Variants in IGF2BP3 observed in about 807,000 individuals in gnomAD.
IGF2BP3 encodes the protein insulin-like growth factor 2 mRNA-binding protein 3.
IGF2BP3 carries 9 observed loss-of-function variants against 73.8 expected under a neutral mutation model. The observed-to-expected ratio is 0.12, with a 90% confidence interval of 0.07 to 0.21. IGF2BP3 has a LOEUF of 0.21. IGF2BP3 is among the 10% of genes least tolerant of loss of function. IGF2BP3 has a pLI of 1.00. For missense variants in IGF2BP3, 542 were observed against 714.0 expected (o/e 0.76, Z 2.75); for synonymous variants, 258 against 256.7 (o/e 1.01, Z -0.05).
chr7:23,442,924 ACTAG>A (rs1787969794), intron 2 of IGF2BP3, among the ~76,000 whole-genome samples: 1 of 152,118 alleles, frequency 6.6e-6, no homozygotes, highest in Non-Finnish European at 1.5e-5. Context: ...AAACCAGGTA[ACTAG>A]AATTTTATGT....
chr7:23,371,560 C>A (rs1385722448), intron 3 of IGF2BP3, among the ~76,000 whole-genome samples: 2 of 152,206 alleles, frequency 1.3e-5, no homozygotes, highest in East Asian at 1.9e-4. Flanking sequence ...AATGTTAGCA[C>A]CGTAATTACT....
chr7:23,342,282 T>C, intron 9 of IGF2BP3, 93 bp from the exon 10 acceptor site: 4 of 1,355,842 alleles, frequency 3.0e-6, no homozygotes, highest in Admixed American at 3.5e-5. Context: ...TGATCTCTTG[T>C]CTAATAAAGA....
Position 23,361,601 on chromosome 7 carries a change from G to C in IGF2BP3, c.338-4C>G, listed in dbSNP as rs566955644. Reference sequence around the variant, plus strand: ...GCAGTTTCCGAGTCAGTGTTCACTAGAGGAAGAGAAAAACGAAGAGAATAA... The same window carrying C: ...GCAGTTTCCGAGTCAGTGTTCACTACAGGAAGAGAAAAACGAAGAGAATAA... On this transcript the variant is annotated splice_polypyrimidine_tract_variant and splice_region_variant and intron_variant, in intron 4 of 14. Transcript: ENST00000258729. 6 of 1,613,480 alleles carry C rather than the reference G, an allele frequency of 3.7e-6. No homozygotes were observed. In the African/African-American group the frequency reaches 4.0e-5, roughly 11 times the overall value.
Position 23,351,313 on chromosome 7 carries a change from G to T in IGF2BP3, c.675C>A (p.Thr225=). The change falls in exon 6 of 15, where the codon ACC becomes ACA. Residue 225 remains threonine (T), a synonymous_variant. Transcript: ENST00000258729. ...ACACTCAGCATACTCACTTAGACTG[G>T]GTCTGTTTGGTGATGTTCCGAATGG... ...GATIRNITKQ[T]QSKIDVHRKE... The T allele has an allele frequency of 6.2e-7, 1 of 1,613,720 alleles. No homozygotes were observed. Among genetic ancestry groups the T allele is most frequent in the Middle Eastern group, 1.7e-4 (1 of 6,056 alleles).
intron 3 of IGF2BP3, among the ~76,000 whole-genome samples, chr7:23,394,149 G>A (rs889866338): frequency 1.3e-5 from 2 of 152,078 alleles, no homozygotes; most frequent in Non-Finnish European, 2.9e-5. Flanking sequence ...AGACACACCT[G>A]CACAACTTAA....
intron 2 of IGF2BP3, among the ~76,000 whole-genome samples, chr7:23,451,715 G>A (rs1404179539): frequency 1.3e-5 from 2 of 152,028 alleles, no homozygotes; most frequent in Non-Finnish European, 2.9e-5. Context: ...TTGGGAGGCC[G>A]AGGCAAGCAG....
At chr7:23,316,085 A>G (rs1783980536) in intron 12 of IGF2BP3, among the ~76,000 whole-genome samples, 1 of 152,198 alleles carries the variant, frequency 6.6e-6, no homozygotes, top group Admixed American at 6.5e-5. Context: ...TGGGATAGGA[A>G]GCAGTTTTCA....
chr7:23,344,107 T>C (rs974532506), intron 8 of IGF2BP3, among the ~76,000 whole-genome samples: 12 of 152,198 alleles, frequency 7.9e-5, no homozygotes, highest in Non-Finnish European at 1.8e-4. Flanking sequence ...TTCAATCAAG[T>C]CCATATTTTA....
rs1784645419 is a variant in IGF2BP3 at position 23,339,099 on chromosome 7, G to GT, written c.1203+2964dup. ...TTTGCAGCTCTTGCCCTGTGGCAGTGTTTTTACTGTTGGCAGCTTCTGCAA... is the reference window on the plus strand; with the variant it reads ...TTTGCAGCTCTTGCCCTGTGGCAGTGTTTTTTACTGTTGGCAGCTTCTGCAA... On this transcript the variant is annotated intron_variant, in intron 10 of 14. Transcript: ENST00000258729. 2.6e-5 allele frequency among the ~76,000 whole-genome samples: 4 copies of GT among 152,370 alleles called. No homozygotes were observed. In the South Asian group the frequency reaches 8.3e-4, roughly 32 times the overall value.
intron 14 of IGF2BP3, 66 bp from the exon 15 acceptor site, chr7:23,312,526 C>A: frequency 8.8e-7 from 1 of 1,133,848 alleles, no homozygotes; most frequent in Non-Finnish European, 1.3e-6. Context: ...TGTACTCCTT[C>A]ATTTCAACAA....
intron 10 of IGF2BP3, among the ~76,000 whole-genome samples, chr7:23,328,605 A>C (rs1784363932): frequency 6.6e-6 from 1 of 152,230 alleles, no homozygotes; most frequent in Admixed American, 6.5e-5. Context: ...ATAAAATTGA[A>C]ATGGGAAAGG....
intron 10 of IGF2BP3, among the ~76,000 whole-genome samples, chr7:23,321,213 A>G (rs1473773634): frequency 6.6e-6 from 1 of 152,186 alleles, no homozygotes; most frequent in Non-Finnish European, 1.5e-5. Context: ...CAGTGGGTGC[A>G]TGCACCATGG....
intron 5 of IGF2BP3, among the ~76,000 whole-genome samples, chr7:23,356,534 G>A (rs1785100637): frequency 6.6e-6 from 1 of 152,238 alleles, no homozygotes. Context: ...TCCCAAGTCT[G>A]CCTGGGCAAC....
chr7:23,420,078 C>T (rs866830236), intron 2 of IGF2BP3, among the ~76,000 whole-genome samples: 7 of 152,294 alleles, frequency 4.6e-5, no homozygotes, highest in African/African-American at 1.7e-4. Context: ...TGCCAGTCAC[C>T]TCCTTTGAAG....
At chr7:23,407,609 C>CAAA (rs569308741) in intron 3 of IGF2BP3, among the ~76,000 whole-genome samples, 3 of 89,638 alleles carry the variant, frequency 3.3e-5, no homozygotes, top group Non-Finnish European at 4.6e-5. Flanking sequence ...ACTCTGTCTC[C>CAAA]AAAAAAAAAA....
chr7:23,364,150 T>C (rs1015828798), intron 3 of IGF2BP3, among the ~76,000 whole-genome samples: 20 of 149,976 alleles, frequency 1.3e-4, no homozygotes, highest in African/African-American at 4.9e-4. Context: ...CCGAGGCAGG[T>C]GGATCACGAG....
At chr7:23,325,873 A>G (rs1304390022) in intron 10 of IGF2BP3, among the ~76,000 whole-genome samples, 2 of 152,236 alleles carry the variant, frequency 1.3e-5, no homozygotes, top group African/African-American at 2.4e-5. Context: ...CTGGCTAGCC[A>G]TATGTAGAAA....
chr7:23,318,916 C>A (rs1258103170), intron 11 of IGF2BP3, among the ~76,000 whole-genome samples: 1 of 152,182 alleles, frequency 6.6e-6, no homozygotes, highest in Non-Finnish European at 1.5e-5. Context: ...TTGGTGGGGG[C>A]AGAGCCAACA....
intron 2 of IGF2BP3, among the ~76,000 whole-genome samples, chr7:23,443,980 G>A (rs1787998590): frequency 6.6e-6 from 1 of 152,178 alleles, no homozygotes; most frequent in Non-Finnish European, 1.5e-5. Flanking sequence ...CTGCACTTCT[G>A]CCTGGGAAAC....
Sources: allele counts gnomAD v4.1 joint callset (sites outside exome capture counted in the v4.1 genomes callset), GRCh38; gene constraint gnomAD v4.1.1; transcripts MANE v1.5; gene names NCBI Gene and HGNC (gene_info 2026-07-23, HGNC 2026-07-21).